The following AP1AR variants were observed in gnomAD, a reference collection of about 807,000 sequenced individuals.
The protein encoded by AP1AR is adaptor related protein complex 1 associated regulatory protein.
Under a neutral mutation model 46.3 loss-of-function variants are expected in AP1AR, and 29 were observed. The observed-to-expected ratio is 0.63, with a 90% CI of 0.47 to 0.85. The LOEUF (loss-of-function observed/expected upper bound fraction) is 0.85. AP1AR is among the 40% of genes least tolerant of loss of function. The pLI, the probability that AP1AR is intolerant of heterozygous loss-of-function variation, is 0.00. For missense variants in AP1AR, 357 were observed against 356.3 expected (o/e 1.00, Z -0.02); for synonymous variants, 122 against 122.9 (o/e 0.99, Z 0.05).
rs1726983078 is a variant in AP1AR, at chr4:112,272,224, G to A, written c.*3815G>A. Among the ~76,000 whole-genome samples the A allele has an allele frequency of 6.6e-6, 1 of 152,156 alleles. No homozygotes were observed. The highest frequency in any genetic ancestry group is 1.5e-5 in the Non-Finnish European group (1 of 68,016). The stretch of plus-strand genomic sequence containing the variant: ...TTATTTAAAAGATACTAGCTTTAGA[G>A]TAGATAGGCAGATATGAACAGGGCA... On this transcript the variant is annotated 3_prime_UTR_variant, in exon 10 of 10. Coordinates refer to ENST00000274000, the MANE Select transcript of AP1AR (RefSeq NM_018569.6).
intron 1 of AP1AR, among the ~76,000 whole-genome samples, chr4:112,252,015 C>A (rs1725981100): frequency 6.6e-6 from 1 of 152,044 alleles, no homozygotes; most frequent in Non-Finnish European, 1.5e-5. Context: ...TTTGGGAGTC[C>A]CAGAATTACT....
At chr4:112,259,404 G>A (rs192857387) in intron 4 of AP1AR, among the ~76,000 whole-genome samples, 40 of 152,206 alleles carry the variant, frequency 2.6e-4, no homozygotes, top group African/African-American at 8.9e-4. Flanking sequence ...ATCTGTCTTC[G>A]TTTCACTTCC....
intron 5 of AP1AR, 86 bp downstream of exon 5, chr4:112,260,948 C>T (rs1304124922): frequency 1.5e-5 from 12 of 808,564 alleles, no homozygotes; most frequent in Middle Eastern, 3.7e-4. Context: ...AGTCTTTGGA[C>T]CTATATTTAG....
chr4:112,264,930 T>G, intron 6 of AP1AR, 79 bp from the exon 7 acceptor site: 2 of 1,068,116 alleles, frequency 1.9e-6, no homozygotes, highest in Non-Finnish European at 2.7e-6. Context: ...AAAAAATACT[T>G]TTTGGTGTTG....
At position 112,263,088 on chromosome 4, in the gene AP1AR, T is replaced by G. The variant is rs1235359657; in HGVS notation, c.381+2T>G. Reference sequence around the variant, plus strand: ...GCAAAGCAGCGAAAGCTCTTGGAGGTGAGGGGAAAAGACCCCAGCATATAT... The same window carrying G: ...GCAAAGCAGCGAAAGCTCTTGGAGGGGAGGGGAAAAGACCCCAGCATATAT... On this transcript the variant is annotated splice_donor_variant, in intron 6 of 9. Coordinates refer to ENST00000274000, the MANE Select transcript of AP1AR (RefSeq NM_018569.6). LOFTEE classifies it high-confidence loss of function. 2 of 1,611,524 alleles carry G rather than the reference T, an allele frequency of 1.2e-6. No individual in the cohort carries two copies. The highest frequency in any genetic ancestry group is 1.7e-6 in the Non-Finnish European group (2 of 1,178,616).
chr4:112,257,153 G>C (rs1172262135), intron 3 of AP1AR, among the ~76,000 whole-genome samples: 1 of 152,098 alleles, frequency 6.6e-6, no homozygotes, highest in East Asian at 1.9e-4. Context: ...CAGCAAAAAA[G>C]CACAAAAATG....
rs137921884 is a variant in AP1AR at position 112,235,528 on chromosome 4, C to T, written c.83+3354C>T. On this transcript the variant is annotated intron_variant, in intron 1 of 9. Transcript: ENST00000274000. ...ATTTTAATAATAACTGACAACATTC[C>T]GTTACTTCCTATGTGCCAGGCACTG... 4.6e-5 allele frequency among the ~76,000 whole-genome samples: 7 copies of T among 152,236 alleles called. No individual in the cohort carries two copies. The East Asian group carries it at 7.7e-4, about 17-fold the overall frequency.
intron 1 of AP1AR, among the ~76,000 whole-genome samples, chr4:112,247,328 A>C (rs1459672975): frequency 1.3e-5 from 2 of 152,354 alleles, no homozygotes; most frequent in Admixed American, 6.5e-5. Context: ...TACTGATCTG[A>C]GATTGAGAAG....
Position 112,270,170 on chromosome 4 carries a change from G to C in AP1AR, c.*1761G>C, listed in dbSNP as rs1199759373. ...AGACAAAAGTAAATTAAGAAAGCAA[G>C]ATGGAACTAGAAAATGTGTTTTAAC... On this transcript the variant is annotated 3_prime_UTR_variant, in exon 10 of 10. Transcript: ENST00000274000. 1 of 152,512 alleles carries C rather than the reference G, an allele frequency of 6.6e-6. No homozygotes were observed. Among genetic ancestry groups the C allele is most frequent in the African/African-American group, 2.4e-5 (1 of 41,444 alleles). The allele number at this position is 152,512 out of a possible 1,614,324, so 9.4% of individuals were successfully genotyped here. A position where few individuals can be genotyped will look rare whatever the true frequency, so the allele number is the denominator to read the frequency against.
intron 6 of AP1AR, 37 bp from the exon 7 acceptor site, chr4:112,264,972 A>G (rs1726612808): frequency 3.3e-6 from 5 of 1,528,062 alleles, no homozygotes; most frequent in Non-Finnish European, 4.4e-6. Flanking sequence ...TAATTTTACA[A>G]CAGAGTGATT....
Position 112,268,365 on chromosome 4 carries a change from G to C in AP1AR, c.865G>C (p.Asp289His). ...TGTAAATCCTGTATTAGAACTGTCT[G>C]ATTCTGGCATAAGGCATTCTGACAC... ...GFVNPVLELSDSGIRHSDTDQ... is the reference protein window; with the variant it reads ...GFVNPVLELSHSGIRHSDTDQ... Residue 289 changes from aspartate (D) to histidine (H), a missense_variant, in exon 10 of 10, where the codon GAT (aspartate) becomes CAT (histidine). Around this residue, in one of 2 missense-constraint regions of AP1AR, gnomAD observed 88 missense variants for 132.7 expected, o/e 0.66. Coordinates refer to ENST00000274000, the MANE Select transcript of AP1AR (RefSeq NM_018569.6). 1.2e-6 allele frequency: 2 copies of C among 1,610,660 alleles called. No homozygotes were observed. Among genetic ancestry groups the C allele is most frequent in the South Asian group, 2.2e-5 (2 of 90,616 alleles).
chr4:112,242,026 A>T (rs1055066741), intron 1 of AP1AR, among the ~76,000 whole-genome samples: 3 of 152,226 alleles, frequency 2.0e-5, no homozygotes, highest in Non-Finnish European at 4.4e-5. Flanking sequence ...ATTCTGACAG[A>T]TATAAAGAGG....
chr4:112,246,781 C>T (rs542276882), intron 1 of AP1AR, among the ~76,000 whole-genome samples: 3 of 152,316 alleles, frequency 2.0e-5, no homozygotes, highest in African/African-American at 7.2e-5. Flanking sequence ...AATAACCCAT[C>T]ACCTTGGAAC....
Position 112,231,976 on chromosome 4 carries a change from C to A in AP1AR, c.-116C>A. 2 of 993,572 alleles carry A rather than the reference C, an allele frequency of 2.0e-6. No individual in the cohort carries two copies. The highest frequency in any genetic ancestry group is 3.3e-5 in the South Asian group (1 of 30,150). The allele number at this position is 993,572 out of a possible 1,614,324, so 61.5% of individuals were successfully genotyped here. Reference sequence around the variant, plus strand: ...TCACGCCGCCGGGCTCTGGCCGGCCCGCCCTCGGTCCTTGAACCCCATTTC... The same window carrying A: ...TCACGCCGCCGGGCTCTGGCCGGCCAGCCCTCGGTCCTTGAACCCCATTTC... On this transcript the variant is annotated 5_prime_UTR_variant, in exon 1 of 10. Transcript: ENST00000274000.
At position 112,269,215 on chromosome 4, in the gene AP1AR, A is replaced by G. The variant is rs139965475; in HGVS notation, c.*806A>G. On this transcript the variant is annotated 3_prime_UTR_variant, in exon 10 of 10. Coordinates refer to ENST00000274000, the MANE Select transcript of AP1AR (RefSeq NM_018569.6). ...ATTTTTAAAAAATTCTATATTTCCA[A>G]TGAACGATGTTAGATTTTACACAGA... 9.7e-3 allele frequency: 1,469 copies of G among 152,146 alleles called. 8 individuals are homozygous for G. The highest frequency in any genetic ancestry group is 0.014 in the Non-Finnish European group (953 of 67,752). The allele number at this position is 152,146 out of a possible 1,614,324, so 9.4% of individuals were successfully genotyped here. A position where few individuals can be genotyped will look rare whatever the true frequency, so the allele number is the denominator to read the frequency against.
intron 1 of AP1AR, among the ~76,000 whole-genome samples, chr4:112,241,226 A>G (rs528130233): frequency 6.6e-4 from 101 of 152,282 alleles, no homozygotes; most frequent in African/African-American, 2.3e-3. Context: ...AACAGTAAAT[A>G]TGATTATTAT....
chr4:112,233,978 C>A (rs1483173317), intron 1 of AP1AR, among the ~76,000 whole-genome samples: 2 of 152,214 alleles, frequency 1.3e-5, no homozygotes, highest in Non-Finnish European at 2.9e-5. Flanking sequence ...CCTGCCTCAG[C>A]CTCCTGAGTA....
intron 1 of AP1AR, among the ~76,000 whole-genome samples, chr4:112,242,842 G>A (rs146847573): frequency 1.1e-4 from 17 of 152,288 alleles, no homozygotes; most frequent in Admixed American, 3.9e-4. Flanking sequence ...GAGTGGATAC[G>A]CAGAAGCCTA....
chr4:112,239,145 G>A (rs767511936), intron 1 of AP1AR, among the ~76,000 whole-genome samples: 1 of 151,868 alleles, frequency 6.6e-6, no homozygotes, highest in East Asian at 1.9e-4. Context: ...CTCCTGATAC[G>A]CCCTTTTGAA....
Sources: gnomAD v4.1 joint callset for allele counts (sites outside exome capture counted in the v4.1 genomes callset) on GRCh38, gnomAD v4.1.1 for gene constraint, gnomAD v4.1.1 regional missense constraint, MANE v1.5 for transcripts, NCBI Gene and HGNC (gene_info 2026-07-23, HGNC 2026-07-21) for gene names.